TMEM200A: variants seen among roughly 807,000 people sequenced by gnomAD.
TMEM200A encodes two transmembrane C.
A neutral mutation model predicts 24.3 loss-of-function variants in TMEM200A; 12 were observed. The ratio of observed to expected loss-of-function variants is 0.49; its 90% CI spans 0.32 to 0.80. TMEM200A has a LOEUF of 0.80. Ranked by LOEUF, TMEM200A falls within the 30% of genes least tolerant of loss-of-function variation. The probability of loss-of-function intolerance (pLI) is 0.04; values close to 1 mark genes in which losing one functional copy is unlikely to be tolerated. For missense variants in TMEM200A, 545 were observed against 614.4 expected, an observed-to-expected ratio of 0.89 and a Z score of 1.19; for synonymous variants, 224 against 224.4, an observed-to-expected ratio of 1.00 and a Z score of 0.02.
intron 1 of TMEM200A, among the ~76,000 whole-genome samples, chr6:130,377,445 G>A (rs1778485617): frequency 6.6e-6 from 1 of 152,198 alleles, no homozygotes; most frequent in South Asian, 2.1e-4. Flanking sequence ...AATCTCATCT[G>A]TTTATTTGGC....
chr6:130,369,319 C>T (rs1357033477), intron 1 of TMEM200A, among the ~76,000 whole-genome samples: 1 of 152,140 alleles, frequency 6.6e-6, no homozygotes, highest in African/African-American at 2.4e-5. Context: ...CCAGTATGCG[C>T]CACTGCCTTT....
In TMEM200A at chr6:130,442,093, C is replaced by G. The variant is rs184731515; in HGVS notation, c.*195C>G. ...GACTGCAGTACTCTATGTTACCACACATGATTTTATTTTTCTCTTCCTTTG... is the reference window on the plus strand; with the variant it reads ...GACTGCAGTACTCTATGTTACCACAGATGATTTTATTTTTCTCTTCCTTTG... On this transcript the variant is annotated 3_prime_UTR_variant, in exon 3 of 3. Transcript: ENST00000296978. 5 of 447,496 alleles carry G rather than the reference C, an allele frequency of 1.1e-5. No homozygotes were observed. In the Admixed American group the frequency reaches 1.6e-4, roughly 14 times the overall value. 27.7% of individuals were successfully genotyped at this position (447,496 alleles called of 1,614,324 possible). A position where few individuals can be genotyped will look rare whatever the true frequency, so the allele number is the denominator to read the frequency against.
intron 2 of TMEM200A, among the ~76,000 whole-genome samples, chr6:130,411,252 T>C (rs901776403): frequency 6.6e-6 from 1 of 152,142 alleles, no homozygotes; most frequent in African/African-American, 2.4e-5. Context: ...GGGATGAATG[T>C]CTTAGCTTAT....
chr6:130,441,335 A>G lies in TMEM200A; in HGVS notation c.913A>G (p.Ile305Val), dbSNP rs1780167686. ...TAACTGTGTTATTGATGAGCCCAGTATAGATAACATCACTGAAGATGCTGA... is the reference window on the plus strand; with the variant it reads ...TAACTGTGTTATTGATGAGCCCAGTGTAGATAACATCACTGAAGATGCTGA... ...LNNCVIDEPS[I>V]DNITEDADNL... Residue 305 changes from isoleucine to valine, a missense_variant, in exon 3 of 3, where the codon ATA (isoleucine) becomes GTA (valine). Ile to Val is a conservative substitution (Grantham distance 29, BLOSUM62 3). Transcript: ENST00000296978. 1.2e-6 allele frequency: 2 copies of G among 1,614,038 alleles called. No homozygotes were observed. The highest frequency in any genetic ancestry group is 1.7e-6 in the Non-Finnish European group (2 of 1,180,010).
intron 1 of TMEM200A, among the ~76,000 whole-genome samples, chr6:130,375,668 C>T (rs540982120): frequency 3.5e-4 from 53 of 152,076 alleles, no homozygotes; most frequent in African/African-American, 1.2e-3. Context: ...CTACAACCTG[C>T]GAGAGAATGA....
intron 2 of TMEM200A, chr6:130,437,997 A>T (rs1472679754): frequency 6.6e-6 from 1 of 152,114 alleles, no homozygotes; most frequent in African/African-American, 2.4e-5. Flanking sequence ...CCTTGTTTCC[A>T]TTCTACTCAG....
intron 1 of TMEM200A, among the ~76,000 whole-genome samples, chr6:130,372,986 G>C (rs942938953): frequency 1.3e-5 from 2 of 152,154 alleles, no homozygotes; most frequent in Non-Finnish European, 2.9e-5. Context: ...CAAAAGCAAT[G>C]GTGAATAGGA....
intron 2 of TMEM200A, among the ~76,000 whole-genome samples, chr6:130,434,966 A>G (rs111440221): frequency 1.3e-5 from 2 of 152,252 alleles, no homozygotes; most frequent in African/African-American, 2.4e-5. Context: ...TTGCAAAGTA[A>G]AAGAAGGTGT....
intron 2 of TMEM200A, among the ~76,000 whole-genome samples, chr6:130,386,115 TGA>T (rs1164289752): frequency 3.9e-5 from 6 of 152,228 alleles, no homozygotes; most frequent in Non-Finnish European, 8.8e-5. Context: ...TCTATTGTAT[TGA>T]GAGAGCTTTT....
At chr6:130,423,549 AC>A (rs144531248) in intron 2 of TMEM200A, among the ~76,000 whole-genome samples, 2,436 of 152,264 alleles carry the variant, frequency 0.016, 64 homozygotes, top group African/African-American at 0.052. Context: ...AAATATACAT[AC>A]AAATGTTGCT....
chr6:130,369,467 A>G (rs542918950), intron 1 of TMEM200A, among the ~76,000 whole-genome samples: 2 of 152,318 alleles, frequency 1.3e-5, no homozygotes, highest in East Asian at 3.9e-4. Context: ...ATTCTGGAAC[A>G]CAGAAGTCTC....
At chr6:130,391,985 C>G (rs1452089207) in intron 2 of TMEM200A, among the ~76,000 whole-genome samples, 1 of 152,112 alleles carries the variant, frequency 6.6e-6, no homozygotes, top group African/African-American at 2.4e-5. Flanking sequence ...CCTCGTGATC[C>G]TCCTGCCTTG....
rs1262271626 is a variant in TMEM200A at position 130,366,368 on chromosome 6, T to TGCCCGCGGCG, written c.-233_-224dup. The TGCCCGCGGCG allele has an allele frequency of 2.0e-6, 2 of 984,226 alleles. No homozygotes were observed. The highest frequency in any genetic ancestry group is 3.5e-5 in the African/African-American group (2 of 56,740). 61.0% of individuals were successfully genotyped at this position (984,226 alleles called of 1,614,324 possible). On this transcript the variant is annotated 5_prime_UTR_variant, in exon 1 of 3. An upstream open reading frame in the 5' UTR loses its in-frame stop. Coordinates refer to ENST00000296978, the MANE Select transcript of TMEM200A (RefSeq NM_001258277.2). This position sits in a 1 kb window ranked among gnomAD's most constrained non-coding sequence, Gnocchi z 4.4. The stretch of plus-strand genomic sequence containing the variant: ...CTGGGATGGGGAGGGAGACCGCGGC[T>TGCCCGCGGCG]GCCCGCGGCGGCCGAGATTCCCGCT...
intron 2 of TMEM200A, 108 bp from the exon 3 acceptor site, chr6:130,440,299 A>C: frequency 8.4e-7 from 1 of 1,187,568 alleles, no homozygotes; most frequent in Non-Finnish European, 1.1e-6. Context: ...ATCACATGAA[A>C]CTGCAACAGC....
chr6:130,441,839 G>T lies in TMEM200A; in HGVS notation c.1417G>T (p.Glu473Ter). The part of the protein sequence containing the change: ...ISRSHNNLSF[E>*]HDEFLSNNLK... ...AAGATCTCACAATAATTTGAGTTTTGAACATGATGAGTTTTTGAGTAACAA... is the reference window on the plus strand; with the variant it reads ...AAGATCTCACAATAATTTGAGTTTTTAACATGATGAGTTTTTGAGTAACAA... The change falls in exon 3 of 3, where the codon GAA (glutamate) becomes TAA (stop). Residue 473 changes from glutamate to a stop codon, truncating the protein, a stop_gained. Transcript: ENST00000296978. LOFTEE classifies it high-confidence loss of function. 2 of 1,613,334 alleles carry T rather than the reference G, an allele frequency of 1.2e-6. No homozygotes were observed. The highest frequency in any genetic ancestry group is 2.2e-5 in the South Asian group (2 of 90,788).
At chr6:130,387,619 G>A (rs1407187411) in intron 2 of TMEM200A, among the ~76,000 whole-genome samples, 1 of 152,154 alleles carries the variant, frequency 6.6e-6, no homozygotes, top group East Asian at 1.9e-4. Flanking sequence ...TTTTCTGTTT[G>A]AATGCAATCA....
At chr6:130,422,887 A>G (rs946046868) in intron 2 of TMEM200A, among the ~76,000 whole-genome samples, 5 of 152,220 alleles carry the variant, frequency 3.3e-5, no homozygotes, top group African/African-American at 9.6e-5. Context: ...CATTTTTGAA[A>G]TCATTAAAGA....
chr6:130,411,566 A>G (rs1278684538), intron 2 of TMEM200A, among the ~76,000 whole-genome samples: 1 of 152,118 alleles, frequency 6.6e-6, no homozygotes, highest in Non-Finnish European at 1.5e-5. Context: ...ATCCAAAATC[A>G]TGTGTTGAAT....
intron 2 of TMEM200A, chr6:130,439,334 T>C (rs1010115086): frequency 6.6e-6 from 1 of 152,174 alleles, no homozygotes; most frequent in African/African-American, 2.4e-5. Context: ...ACATCGTATA[T>C]TGGAAATTTC....
Sources: gnomAD v4.1 joint callset for allele counts (sites outside exome capture counted in the v4.1 genomes callset) on GRCh38, gnomAD v4.1.1 for gene constraint, Gnocchi (gnomAD v3.1) non-coding constraint, MANE v1.5 for transcripts, NCBI Gene and HGNC (gene_info 2026-07-23, HGNC 2026-07-21) for gene names.